Variants in VCPIP1 observed in about 807,000 individuals in gnomAD.
The protein encoded by VCPIP1 is valosin containing protein interacting protein 1.
VCPIP1 carries 8 observed loss-of-function variants against 85.0 expected under a neutral mutation model. The observed-to-expected ratio is 0.09, with a 90% CI of 0.06 to 0.17. VCPIP1 has a LOEUF of 0.17. Ranked by LOEUF, VCPIP1 falls within the 10% of genes least tolerant of loss-of-function variation. The probability of loss-of-function intolerance (pLI) is 1.00; values close to 1 mark genes in which losing one functional copy is unlikely to be tolerated. For synonymous variants in VCPIP1, 543 were observed against 544.5 expected, an observed-to-expected ratio of 1.00 and a Z score of 0.04; for missense variants, 1,070 against 1,486.3, an observed-to-expected ratio of 0.72 and a Z score of 4.61.
chr8:66,651,465 T>C lies in VCPIP1; in HGVS notation c.2790A>G (p.Lys930=), dbSNP rs1811053564. ...QGGVFYSIMK[K]TMGMADGKHC... is the part of the protein sequence containing the mutation. ...AAATCAAATTAACTATACCCATGGT[T>C]TTCTTCATAATACTGTAGAATACAC... The change falls in exon 2 of 3, where the codon AAA becomes AAG. Residue 930 remains lysine, a synonymous_variant. Coordinates refer to ENST00000310421, the MANE Select transcript of VCPIP1 (RefSeq NM_025054.5). 1.2e-6 allele frequency: 2 copies of C among 1,606,470 alleles called. No homozygotes were observed. Among genetic ancestry groups the C allele is most frequent in the African/African-American group, 2.7e-5 (2 of 74,648 alleles).
rs755389590 is a variant in VCPIP1 at position 66,665,029 on chromosome 8, C to T, written c.1930G>A (p.Val644Ile). ...AATATAGTGTGGACAACTTTCTGAA[C>T]TAGGATTTCACTCCCAAATTCACCT... The part of the protein sequence containing the change: ...FPGEFGSEIL[V>I]QKVVHTILHQ... The change falls in exon 1 of 3, where the codon GTT becomes ATT. Residue 644 changes from valine to isoleucine, a missense_variant. By Grantham distance (29) the Val-to-Ile change is conservative. Transcript: ENST00000310421. This position sits in a 1 kb window ranked among gnomAD's most constrained non-coding sequence, Gnocchi z 4.3. 1.2e-6 allele frequency: 2 copies of T among 1,613,806 alleles called. No homozygotes were observed. Among genetic ancestry groups the T allele is most frequent in the Non-Finnish European group, 1.7e-6 (2 of 1,179,800 alleles).
intron 2 of VCPIP1, among the ~76,000 whole-genome samples, chr8:66,645,286 C>T (rs919118308): frequency 1.3e-5 from 2 of 151,864 alleles, no homozygotes; most frequent in South Asian, 2.1e-4. Context: ...GGCATTGTTG[C>T]GTGCACCTGT....
chr8:66,632,308 C>G lies in VCPIP1; in HGVS notation c.*2193G>C, dbSNP rs1810842100. Reference sequence around the variant, plus strand: ...CATCAATTCACCCCAACCAAATTTTCAGCTGATTTGAAAGAATTTCAAGAA... The same window carrying G: ...CATCAATTCACCCCAACCAAATTTTGAGCTGATTTGAAAGAATTTCAAGAA... On this transcript the variant is annotated 3_prime_UTR_variant, in exon 3 of 3. Transcript: ENST00000310421. The G allele has an allele frequency of 6.6e-6, 1 of 152,086 alleles. No homozygotes were observed. Among genetic ancestry groups the G allele is most frequent in the Admixed American group, 6.6e-5 (1 of 15,262 alleles). 9.4% of individuals were successfully genotyped at this position (152,086 alleles called of 1,614,324 possible).
chr8:66,660,723 T>G (rs148986520), intron 1 of VCPIP1, among the ~76,000 whole-genome samples: 2 of 152,308 alleles, frequency 1.3e-5, no homozygotes, highest in African/African-American at 4.8e-5. Flanking sequence ...AAACTGAATT[T>G]TGTAGGAACA....
chr8:66,635,164 C>T lies in VCPIP1; in HGVS notation c.3006G>A (p.Gly1002=). Residue 1002 remains glycine (G), a synonymous_variant, in exon 3 of 3, where the codon GGG becomes GGA. Transcript: ENST00000310421. ...CTCCACCACTACCTAGTTTTAATAG[C>T]CCATGTGAGGGACTTGATTCCCTAC... The part of the protein sequence containing the change: ...TRSRESSPSH[G]LLKLGSGGVV... 6.2e-7 allele frequency: 1 copy of T among 1,614,126 alleles called. No homozygotes were observed.
chr8:66,650,336 G>A (rs1811039748), intron 2 of VCPIP1, among the ~76,000 whole-genome samples: 1 of 152,182 alleles, frequency 6.6e-6, no homozygotes, highest in Admixed American at 6.5e-5. Flanking sequence ...GGAAAAAAAA[G>A]TGTATGAGGA....
At chr8:66,644,059 T>C (rs370656770) in intron 2 of VCPIP1, among the ~76,000 whole-genome samples, 18 of 152,176 alleles carry the variant, frequency 1.2e-4, no homozygotes, top group East Asian at 9.6e-4. Context: ...TAACAAAGCT[T>C]ACTCAAGAAG....
intron 2 of VCPIP1, among the ~76,000 whole-genome samples, chr8:66,650,446 A>G (rs1811040965): frequency 6.6e-6 from 1 of 152,220 alleles, no homozygotes; most frequent in Non-Finnish European, 1.5e-5. Context: ...AAGCATTAAC[A>G]TAAAATCTTT....
chr8:66,661,795 G>C (rs980378869), intron 1 of VCPIP1, among the ~76,000 whole-genome samples: 2 of 132,448 alleles, frequency 1.5e-5, no homozygotes, highest in Non-Finnish European at 3.2e-5. Flanking sequence ...ATACAGTCTT[G>C]TTCTGTCGCC....
intron 1 of VCPIP1, among the ~76,000 whole-genome samples, chr8:66,662,857 A>G (rs1186209007): frequency 3.3e-5 from 5 of 151,978 alleles, no homozygotes; most frequent in Non-Finnish European, 7.4e-5. Flanking sequence ...ATTTAAGTAC[A>G]CTAGCATTCG....
rs1466484604 is a variant in VCPIP1 at position 66,666,653 on chromosome 8, C to T, written c.306G>A (p.Ala102=). The T allele has an allele frequency of 6.2e-7, 1 of 1,614,094 alleles. No homozygotes were observed. Among genetic ancestry groups the T allele is most frequent in the East Asian group, 2.2e-5 (1 of 44,898 alleles). The change falls in exon 1 of 3, where the codon GCG becomes GCA. Residue 102 remains alanine (A), a synonymous_variant. Transcript: ENST00000310421. This position sits in a 1 kb window ranked among gnomAD's most constrained non-coding sequence, Gnocchi z 6.3. ...TGGGTGCCCCCGTAACCCCGAGCAG[C>T]GCGTTCCGCAGCAGGTTGTGTAGCA... ...DVVLHNLLRN[A]LLGVTGAPKK... is the part of the protein sequence containing the mutation.
rs1271956577 is a variant in VCPIP1 at position 66,631,536 on chromosome 8, T to C, written c.*2965A>G. On this transcript the variant is annotated 3_prime_UTR_variant, in exon 3 of 3. Transcript: ENST00000310421. ...GACCATATGCAAAAGTCAGTGTTCATCTCCAATGAAGATACTTAAAAATAA... is the reference window on the plus strand; with the variant it reads ...GACCATATGCAAAAGTCAGTGTTCACCTCCAATGAAGATACTTAAAAATAA... The C allele has an allele frequency of 6.5e-6, 1 of 154,496 alleles. No individual in the cohort carries two copies. Among genetic ancestry groups the C allele is most frequent in the Non-Finnish European group, 1.5e-5 (1 of 67,970 alleles). 9.6% of individuals were successfully genotyped at this position (154,496 alleles called of 1,614,324 possible).
In VCPIP1 at chr8:66,639,321, CTTTTTTTTTT is replaced by C. The variant is rs57563619; in HGVS notation, c.2798-3959_2798-3950del. On this transcript the variant is annotated intron_variant, in intron 2 of 2. Coordinates refer to ENST00000310421, the MANE Select transcript of VCPIP1 (RefSeq NM_025054.5). ...ATATTTTAAGCCAATTAATTTTATT[CTTTTTTTTTT>C]TTTTTTTTTTTTTTTTGGTGTTGCT... Among the ~76,000 whole-genome samples the C allele has an allele frequency of 8.8e-5, 6 of 67,814 alleles. No individual in the cohort carries two copies. The Admixed American group carries it at 1.6e-3, about 18-fold the overall frequency. 44.5% of individuals were successfully genotyped at this position (67,814 alleles called of 152,430 possible). A position where few individuals can be genotyped will look rare whatever the true frequency, so the allele number is the denominator to read the frequency against.
intron 2 of VCPIP1, among the ~76,000 whole-genome samples, chr8:66,638,865 GTA>G (rs1185615873): frequency 6.6e-6 from 1 of 151,800 alleles, no homozygotes; most frequent in Non-Finnish European, 1.5e-5. Flanking sequence ...GCAAAGTTGA[GTA>G]TTATATAGTT....
chr8:66,661,757 C>A (rs1394919497), intron 1 of VCPIP1, among the ~76,000 whole-genome samples: 2 of 150,070 alleles, frequency 1.3e-5, no homozygotes, highest in South Asian at 4.3e-4. Flanking sequence ...TATAATCATA[C>A]CGATCAGATT....
chr8:66,637,221 T>C (rs1021053633), intron 2 of VCPIP1, among the ~76,000 whole-genome samples: 3 of 151,402 alleles, frequency 2.0e-5, no homozygotes, highest in African/African-American at 7.3e-5. Context: ...GGTGATGGCA[T>C]ACACCTATAG....
At position 66,664,799 on chromosome 8, in the gene VCPIP1, A is replaced by G. The variant is rs769695922; in HGVS notation, c.2160T>C (p.Ile720=). The G allele has an allele frequency of 3.7e-6, 6 of 1,612,290 alleles. No individual in the cohort carries two copies. In the African/African-American group the frequency reaches 5.4e-5, roughly 14 times the overall value. Residue 720 remains isoleucine, a synonymous_variant, in exon 1 of 3, where the codon ATT becomes ATC. Transcript: ENST00000310421. ...SKTERTIQQN[I]TEQASVMQKR... ...TCTGCATTACAGAAGCCTGTTCCGTAATATTCTGTTGAATAGTTCTTTCAG... is the reference window on the plus strand; with the variant it reads ...TCTGCATTACAGAAGCCTGTTCCGTGATATTCTGTTGAATAGTTCTTTCAG...
At chr8:66,650,058 A>G (rs1161110991) in intron 2 of VCPIP1, among the ~76,000 whole-genome samples, 1 of 144,924 alleles carries the variant, frequency 6.9e-6, no homozygotes, top group Admixed American at 6.6e-5. Flanking sequence ...TGTAATAATG[A>G]CTTTTTTTTT....
chr8:66,651,537 A>C lies in VCPIP1; in HGVS notation c.2718T>G (p.Asp906Glu). 1 of 1,613,022 alleles carries C rather than the reference A, an allele frequency of 6.2e-7. No homozygotes were observed. Among genetic ancestry groups the C allele is most frequent in the Non-Finnish European group, 8.5e-7 (1 of 1,179,680 alleles). The change falls in exon 2 of 3, where the codon GAT becomes GAG. Residue 906 changes from aspartate to glutamate, a missense_variant. Asp to Glu is a conservative substitution (Grantham distance 45). Transcript: ENST00000310421. ...LCLLATLMGE[D>E]VWSYAKGLPH... ...GAAGTCCCTTTGCATAAGACCATAC[A>C]TCTTCTCCTGTAAGACAAAAACAGA...
Sources: gnomAD v4.1 joint callset for allele counts (sites outside exome capture counted in the v4.1 genomes callset) on GRCh38, gnomAD v4.1.1 for gene constraint, Gnocchi (gnomAD v3.1) non-coding constraint, MANE v1.5 for transcripts, NCBI Gene and HGNC (gene_info 2026-07-23, HGNC 2026-07-21) for gene names.